SLC4A4: variants seen among roughly 807,000 people sequenced by gnomAD.
SLC4A4 encodes the protein electrogenic sodium bicarbonate cotransporter 1.
SLC4A4 carries 27 observed loss-of-function variants against 111.5 expected under a neutral mutation model. The ratio of observed to expected loss-of-function variants is 0.24; its 90% CI spans 0.18 to 0.33. The LOEUF is 0.33. SLC4A4 is among the 10% of genes least tolerant of loss of function. The probability of loss-of-function intolerance (pLI) is 1.00; values close to 1 mark genes in which losing one functional copy is unlikely to be tolerated. For synonymous variants in SLC4A4, 443 were observed against 463.4 expected (o/e 0.96, Z 0.57); for missense variants, 909 against 1,315.5 (o/e 0.69, Z 4.78).
At chr4:71,325,058 C>A (rs1327665797) in intron 3 of SLC4A4, among the ~76,000 whole-genome samples, 4 of 151,872 alleles carry the variant, frequency 2.6e-5, no homozygotes, top group Non-Finnish European at 4.4e-5. Context: ...TTAATGAATA[C>A]TACTTGGCTG....
intron 22 of SLC4A4, among the ~76,000 whole-genome samples, chr4:71,558,328 C>T (rs1407694210): frequency 6.6e-6 from 1 of 151,860 alleles, no homozygotes; most frequent in Non-Finnish European, 1.5e-5. Flanking sequence ...AAGTGCTTGG[C>T]AACTTGTGAG....
chr4:71,201,419 G>A (rs999938371), intron 1 of SLC4A4, among the ~76,000 whole-genome samples: 19 of 152,194 alleles, frequency 1.2e-4, no homozygotes, highest in Admixed American at 4.6e-4. Flanking sequence ...TGAGCTGAGC[G>A]TCATCAATGA....
intron 2 of SLC4A4, among the ~76,000 whole-genome samples, chr4:71,172,404 T>C (rs917088272): frequency 6.6e-6 from 1 of 152,038 alleles, no homozygotes; most frequent in African/African-American, 2.4e-5. Flanking sequence ...TACAGGCACA[T>C]GCCACCATGC....
intron 18 of SLC4A4, among the ~76,000 whole-genome samples, chr4:71,534,699 TC>T (rs1734258483): frequency 1.3e-5 from 2 of 152,140 alleles, no homozygotes; most frequent in African/African-American, 4.8e-5. Context: ...GTAACTATCC[TC>T]AATAAAGACA....
chr4:71,372,154 A>G (rs1421956869), intron 6 of SLC4A4, among the ~76,000 whole-genome samples: 1 of 152,240 alleles, frequency 6.6e-6, no homozygotes, highest in East Asian at 1.9e-4. Flanking sequence ...TAATGTAACT[A>G]GAAGTTACTA....
chr4:71,121,459 C>T (rs1385877623), intron 2 of SLC4A4, among the ~76,000 whole-genome samples: 1 of 152,222 alleles, frequency 6.6e-6, no homozygotes, highest in African/African-American at 2.4e-5. Context: ...TGTTGGAGAA[C>T]TTTTATTTCT....
chr4:71,304,807 G>A (rs1262476941), intron 3 of SLC4A4, among the ~76,000 whole-genome samples: 1 of 152,180 alleles, frequency 6.6e-6, no homozygotes, highest in Non-Finnish European at 1.5e-5. Context: ...GATAGTAAAA[G>A]TTGTCTTAGA....
At chr4:71,357,949 G>A (rs1427801222) in intron 6 of SLC4A4, among the ~76,000 whole-genome samples, 1 of 152,124 alleles carries the variant, frequency 6.6e-6, no homozygotes, top group African/African-American at 2.4e-5. Flanking sequence ...AAGGTATGAA[G>A]GAAAGAACTA....
intron 2 of SLC4A4, among the ~76,000 whole-genome samples, chr4:71,098,048 T>C (rs1742610034): frequency 6.6e-6 from 1 of 152,204 alleles, no homozygotes; most frequent in Non-Finnish European, 1.5e-5. Flanking sequence ...ATTTGTCAAT[T>C]TGTGCTTTTG....
At chr4:71,502,068 T>A (rs1259377761) in intron 16 of SLC4A4, among the ~76,000 whole-genome samples, 1 of 152,200 alleles carries the variant, frequency 6.6e-6, no homozygotes, top group African/African-American at 2.4e-5. Context: ...TTCAAGGGAT[T>A]CTTGTGCCTC....
At chr4:71,307,523 G>A (rs1363383616) in intron 3 of SLC4A4, among the ~76,000 whole-genome samples, 1 of 152,228 alleles carries the variant, frequency 6.6e-6, no homozygotes, top group Non-Finnish European at 1.5e-5. Context: ...AATGAGAGTA[G>A]CTGAGGAAAT....
At chr4:71,292,433 A>G (rs1472901690) in intron 3 of SLC4A4, among the ~76,000 whole-genome samples, 1 of 152,212 alleles carries the variant, frequency 6.6e-6, no homozygotes, top group Non-Finnish European at 1.5e-5. Flanking sequence ...CAGCTTTGGC[A>G]TAATTGAGGG....
At chr4:71,457,200 T>C (rs1187492634) in intron 12 of SLC4A4, among the ~76,000 whole-genome samples, 1 of 152,202 alleles carries the variant, frequency 6.6e-6, no homozygotes, top group Non-Finnish European at 1.5e-5. Context: ...TACACATATA[T>C]AATTAGAAGC....
At chr4:71,093,383 G>T (rs1002777627) in intron 2 of SLC4A4, among the ~76,000 whole-genome samples, 1 of 152,044 alleles carries the variant, frequency 6.6e-6, no homozygotes, top group Non-Finnish European at 1.5e-5. Flanking sequence ...GGCCAGGCTG[G>T]TCTTGAACTC....
At chr4:71,148,641 A>C (rs1014733494) in intron 2 of SLC4A4, among the ~76,000 whole-genome samples, 1 of 152,130 alleles carries the variant, frequency 6.6e-6, no homozygotes, top group East Asian at 1.9e-4. Context: ...AAAAGAGAGC[A>C]TGTGGTATTT....
intron 20 of SLC4A4, among the ~76,000 whole-genome samples, chr4:71,550,079 G>A (rs1337233914): frequency 6.6e-6 from 1 of 151,798 alleles, no homozygotes; most frequent in Non-Finnish European, 1.5e-5. Context: ...GCAATTTTGA[G>A]TTACCCCAAG....
At chr4:71,237,244 G>A (rs1206848576) in intron 2 of SLC4A4, among the ~76,000 whole-genome samples, 1 of 152,102 alleles carries the variant, frequency 6.6e-6, no homozygotes, top group Non-Finnish European at 1.5e-5. Context: ...GTTTTACCTG[G>A]TGCTATAATA....
chr4:71,347,989 A>G (rs538532244), intron 4 of SLC4A4, among the ~76,000 whole-genome samples: 3 of 152,276 alleles, frequency 2.0e-5, no homozygotes, highest in East Asian at 3.9e-4. Flanking sequence ...ATATGATGAT[A>G]TCTTCCTTTT....
At chr4:71,347,324 C>A (rs1359656456) in intron 4 of SLC4A4, among the ~76,000 whole-genome samples, 8 of 152,182 alleles carry the variant, frequency 5.3e-5, no homozygotes, top group Middle Eastern at 3.4e-3. Context: ...ATTGTCTGAG[C>A]CTATTCAGGC....
Sources: gnomAD v4.1 joint callset for allele counts (sites outside exome capture counted in the v4.1 genomes callset) on GRCh38, gnomAD v4.1.1 for gene constraint, MANE v1.5 for transcripts, NCBI Gene and HGNC (gene_info 2026-07-23, HGNC 2026-07-21) for gene names.